CSMD1: variants seen among roughly 807,000 people sequenced by gnomAD.
The protein encoded by CSMD1 is CUB and sushi domain-containing protein 1.
In CSMD1, 213 loss-of-function variants were observed where a neutral mutation model predicts 417.5. The observed-to-expected ratio is 0.51, with a 90% CI of 0.46 to 0.57. CSMD1 has a LOEUF of 0.57. Among genes scored for constraint, CSMD1 ranks in the 20% least tolerant of loss-of-function variants. The pLI, the probability that CSMD1 is intolerant of heterozygous loss-of-function variation, is 0.00. For synonymous variants in CSMD1, 2,862 were observed against 1,736.8 expected (o/e 1.65, Z -16.11); for missense variants, 6,923 against 4,529.7 (o/e 1.53, Z -15.17).
rs1451752069 is a variant in CSMD1 at position 4,065,638 on chromosome 8, C to T, written c.416-33539G>A. ...CATGAATGAAGCTCATGCACCAAGG[C>T]CAGGCAATGCCTTTTAGCCATGACA... On this transcript the variant is annotated intron_variant, in intron 3 of 69. Transcript: ENST00000635120. 2.0e-5 allele frequency among the ~76,000 whole-genome samples: 3 copies of T among 152,100 alleles called. No homozygotes were observed. The East Asian group carries it at 5.8e-4, about 29-fold the overall frequency.
At chr8:3,377,176 T>C (rs1408500516) in intron 18 of CSMD1, among the ~76,000 whole-genome samples, 1 of 152,082 alleles carries the variant, frequency 6.6e-6, no homozygotes, top group African/African-American at 2.4e-5. Flanking sequence ...CCCCAGCTAA[T>C]TTTTGTGTTT....
At chr8:4,048,799 T>C (rs775582687) in intron 3 of CSMD1, among the ~76,000 whole-genome samples, 2 of 152,198 alleles carry the variant, frequency 1.3e-5, no homozygotes, top group Admixed American at 6.5e-5. Flanking sequence ...TTATACAGTA[T>C]ATGTAGTCAC....
intron 17 of CSMD1, among the ~76,000 whole-genome samples, chr8:3,389,098 A>G (rs1811191678): frequency 6.6e-6 from 1 of 152,018 alleles, no homozygotes; most frequent in African/African-American, 2.4e-5. Context: ...TGGGTGAATG[A>G]TTTTTTGTTG....
rs557917507 is a variant in CSMD1, at chr8:3,452,457, C to T, written c.1561+16255G>A. ...AGTATGATATTGGCTGTGGGTTTGT[C>T]ATAGATAGGTTTTATTATTTTGACA... On this transcript the variant is annotated intron_variant, in intron 12 of 69. Transcript: ENST00000635120. 3.9e-5 allele frequency among the ~76,000 whole-genome samples: 6 copies of T among 152,244 alleles called. No homozygotes were observed. The East Asian group carries it at 1.2e-3, about 29-fold the overall frequency.
chr8:3,952,126 T>C (rs568106427), intron 5 of CSMD1, among the ~76,000 whole-genome samples: 2 of 152,236 alleles, frequency 1.3e-5, no homozygotes, highest in African/African-American at 2.4e-5. Context: ...ATTATTTAAG[T>C]AGTGGTTCAC....
chr8:3,486,065 G>C (rs1465264780), intron 11 of CSMD1, among the ~76,000 whole-genome samples: 1 of 152,090 alleles, frequency 6.6e-6, no homozygotes, highest in Non-Finnish European at 1.5e-5. Flanking sequence ...TGATATCTTT[G>C]TCACAATTTT....
In CSMD1 at chr8:4,000,030, T is replaced by C. The variant is rs1815542702; in HGVS notation, c.611-1920A>G. Among the ~76,000 whole-genome samples the C allele has an allele frequency of 2.0e-5, 3 of 152,342 alleles. No individual in the cohort carries two copies. The South Asian group carries it at 6.2e-4, about 32-fold the overall frequency. The stretch of plus-strand genomic sequence containing the variant: ...GTGTAAAACCAAACACGAATAAAAA[T>C]AACTGTGTGTATACTACAATTTGAA... On this transcript the variant is annotated intron_variant, in intron 4 of 69. Transcript: ENST00000635120.
At chr8:3,956,746 A>T (rs1033291518) in intron 5 of CSMD1, among the ~76,000 whole-genome samples, 3 of 152,116 alleles carry the variant, frequency 2.0e-5, no homozygotes, top group Non-Finnish European at 4.4e-5. Flanking sequence ...AACGTTCTTT[A>T]GCCCAACTCC....
At chr8:3,968,851 T>C (rs1439731819) in intron 5 of CSMD1, among the ~76,000 whole-genome samples, 1 of 152,196 alleles carries the variant, frequency 6.6e-6, no homozygotes, top group African/African-American at 2.4e-5. Flanking sequence ...GCTGGTTATA[T>C]TCGATCACAC....
At chr8:4,368,665 G>A (rs942249539) in intron 3 of CSMD1, among the ~76,000 whole-genome samples, 2 of 152,044 alleles carry the variant, frequency 1.3e-5, no homozygotes, top group African/African-American at 4.8e-5. Context: ...GTCTGTTCAG[G>A]ATTTTAATTT....
chr8:4,419,725 G>C (rs1414418906), intron 3 of CSMD1, among the ~76,000 whole-genome samples: 1 of 152,122 alleles, frequency 6.6e-6, no homozygotes, highest in Non-Finnish European at 1.5e-5. Flanking sequence ...AAAACCCCAA[G>C]AAGAAAAGTT....
chr8:4,827,436 C>T (rs960245008), intron 1 of CSMD1, among the ~76,000 whole-genome samples: 4 of 152,136 alleles, frequency 2.6e-5, no homozygotes, highest in Admixed American at 6.6e-5. Context: ...GACAGAAACT[C>T]TCTTCTTTGC....
chr8:4,577,483 C>T (rs1799193278), intron 2 of CSMD1, among the ~76,000 whole-genome samples: 1 of 152,182 alleles, frequency 6.6e-6, no homozygotes, highest in South Asian at 2.1e-4. Context: ...CTTCCTCTTC[C>T]CTATGCCACC....
chr8:3,524,781 G>A (rs75007645), intron 10 of CSMD1, among the ~76,000 whole-genome samples: 1,555 of 147,886 alleles, frequency 0.011, 22 homozygotes, highest in African/African-American at 0.037. Context: ...CAAGTGCACC[G>A]AGAGACATGC....
At chr8:4,565,750 AT>A (rs1798571109) in intron 2 of CSMD1, among the ~76,000 whole-genome samples, 2 of 402 alleles carry the variant, frequency 5.0e-3, no homozygotes, top group South Asian at 0.1. Context: ...AAATATATAC[AT>A]ATATATATAT....
intron 3 of CSMD1, among the ~76,000 whole-genome samples, chr8:4,278,332 G>A (rs1796598694): frequency 6.6e-6 from 1 of 152,110 alleles, no homozygotes; most frequent in African/African-American, 2.4e-5. Flanking sequence ...CTACAAAATG[G>A]CTAATATGTG....
At chr8:4,988,158 A>G (rs1811278101) in intron 1 of CSMD1, among the ~76,000 whole-genome samples, 1 of 152,220 alleles carries the variant, frequency 6.6e-6, no homozygotes, top group African/African-American at 2.4e-5. Context: ...TATGTTCTTG[A>G]TCTCATGTCT....
chr8:3,251,222 T>C (rs1224616770), intron 26 of CSMD1, among the ~76,000 whole-genome samples: 1 of 152,214 alleles, frequency 6.6e-6, no homozygotes, highest in African/African-American at 2.4e-5. Context: ...CTTTAACCCA[T>C]CTTGAATTAA....
chr8:4,012,904 T>C (rs973411678), intron 4 of CSMD1, among the ~76,000 whole-genome samples: 7 of 151,810 alleles, frequency 4.6e-5, no homozygotes, highest in African/African-American at 1.7e-4. Context: ...TGTAGGGAAA[T>C]TCCATCAGCA....
Sources: gnomAD v4.1 joint callset for allele counts (sites outside exome capture counted in the v4.1 genomes callset) on GRCh38, gnomAD v4.1.1 for gene constraint, MANE v1.5 for transcripts, NCBI Gene and HGNC (gene_info 2026-07-23, HGNC 2026-07-21) for gene names.